The following KANK1 variants were observed in gnomAD, a reference collection of about 807,000 sequenced individuals.
KANK1 encodes KN motif and ankyrin repeat domains 1.
Under a neutral mutation model 106.2 loss-of-function variants are expected in KANK1, and 109 were observed. The observed-to-expected ratio is 1.03, with a 90% CI of 0.88 to 1.20. KANK1 has a LOEUF of 1.20. Ranked by LOEUF, KANK1 falls within the 50% of genes most tolerant of loss-of-function variation. The pLI, the probability that KANK1 is intolerant of heterozygous loss-of-function variation, is 0.00. For synonymous variants in KANK1, 873 were observed against 652.2 expected (o/e 1.34, Z -5.16); for missense variants, 2,399 against 1,710.7 (o/e 1.40, Z -7.10).
At position 514,414 on chromosome 9, in the gene KANK1, T is replaced by G. The variant is rs549769122; in HGVS notation, c.-84+9660T>G. ...TTCTGCCAAATACTCCCTCATCTCC[T>G]TTACCCAAATGGAGCCACAGACCAA... is the stretch of plus-strand genomic sequence containing the variant. On this transcript the variant is annotated intron_variant, in intron 1 of 11. Coordinates refer to ENST00000382297, the MANE Select transcript of KANK1 (RefSeq NM_015158.5). 4.0e-5 allele frequency among the ~76,000 whole-genome samples: 6 copies of G among 150,370 alleles called. 1 individual carries two copies. The highest frequency in any genetic ancestry group is 1.5e-4 in the African/African-American group (6 of 39,992).
chr9:596,686 T>C (rs1375184844), intron 1 of KANK1, among the ~76,000 whole-genome samples: 3 of 151,858 alleles, frequency 2.0e-5, no homozygotes, highest in East Asian at 1.9e-4. Flanking sequence ...CAGTTCCCCA[T>C]TGGTGTTTTG....
intron 1 of KANK1, among the ~76,000 whole-genome samples, chr9:663,731 G>C (rs1000069391): frequency 3.3e-5 from 5 of 152,198 alleles, no homozygotes; most frequent in Non-Finnish European, 7.3e-5. Context: ...CTCAGACCCA[G>C]CTGGAGCAGA....
intron 2 of KANK1, among the ~76,000 whole-genome samples, chr9:693,238 C>T (rs1416573286): frequency 6.6e-6 from 1 of 152,152 alleles, no homozygotes; most frequent in African/African-American, 2.4e-5. Context: ...CAAAAAGGAA[C>T]CACTTGCCTC....
In KANK1 at chr9:617,693, T is replaced by C. The variant is rs114073831; in HGVS notation, c.-83-59197T>C. ...AAATTTTCCCACCGTAAACTTAGGC[T>C]GATAGGCTGACAGTCTGCACCTCTC... is the stretch of plus-strand genomic sequence containing the variant. On this transcript the variant is annotated intron_variant, in intron 1 of 11. Coordinates refer to ENST00000382297, the MANE Select transcript of KANK1 (RefSeq NM_015158.5). 1.9e-3 allele frequency among the ~76,000 whole-genome samples: 284 copies of C among 152,334 alleles called. 2 individuals are homozygous for C. Among genetic ancestry groups the C allele is most frequent in the African/African-American group, 6.4e-3 (268 of 41,562 alleles).
At chr9:586,910 G>A (rs1405431915) in intron 1 of KANK1, among the ~76,000 whole-genome samples, 1 of 152,190 alleles carries the variant, frequency 6.6e-6, no homozygotes, top group African/African-American at 2.4e-5. Context: ...TTTCCAAAAT[G>A]CGTAGCAGTC....
chr9:744,832 G>A, intron 11 of KANK1: 2 of 1,423,666 alleles, frequency 1.4e-6, no homozygotes, highest in Non-Finnish European at 1.8e-6. Flanking sequence ...TCCCATAGAG[G>A]TTTTGATTCT....
intron 2 of KANK1, among the ~76,000 whole-genome samples, chr9:691,778 T>TG (rs1351412474): frequency 2.7e-5 from 3 of 109,242 alleles, no homozygotes; most frequent in East Asian, 6.4e-4. Flanking sequence ...CACACCTAGC[T>TG]AATTTTTTTT....
chr9:698,103 C>T (rs1201629275), intron 2 of KANK1, among the ~76,000 whole-genome samples: 1 of 152,162 alleles, frequency 6.6e-6, no homozygotes, highest in African/African-American at 2.4e-5. Flanking sequence ...TTAGCTTTCC[C>T]TGTTGGCCAA....
At chr9:585,821 G>C (rs1468784397) in intron 1 of KANK1, among the ~76,000 whole-genome samples, 2 of 152,174 alleles carry the variant, frequency 1.3e-5, no homozygotes, top group African/African-American at 4.8e-5. Context: ...TTGGGAAAAT[G>C]ATCAGACTAA....
chr9:734,129 A>AC (rs1833073993), intron 6 of KANK1: 1 of 150,708 alleles, frequency 6.6e-6, no homozygotes, highest in East Asian at 2.0e-4. Flanking sequence ...AAAAAAAAAA[A>AC]AAAACTTAAA....
chr9:741,033 C>A, intron 9 of KANK1, 99 bp downstream of exon 9: 1 of 1,346,414 alleles, frequency 7.4e-7, no homozygotes, highest in Non-Finnish European at 1.0e-6. Context: ...GCCACGCTTC[C>A]ACCACAGTGC....
At chr9:616,955 A>G (rs369953798) in intron 1 of KANK1, among the ~76,000 whole-genome samples, 40 of 152,302 alleles carry the variant, frequency 2.6e-4, no homozygotes, top group African/African-American at 9.6e-4. Flanking sequence ...GGGATATGTG[A>G]TTCTTCCTTA....
At position 496,447 on chromosome 9, in the gene KANK1, C is replaced by T. The variant is rs2058460606; in HGVS notation, c.-362+23174C>T. Among the ~76,000 whole-genome samples the T allele has an allele frequency of 2.0e-5, 3 of 152,230 alleles. No individual in the cohort carries two copies. In the South Asian group the frequency reaches 6.2e-4, roughly 32 times the overall value. On this transcript the variant is annotated intron_variant, in intron 3 of 15. Coordinates refer to the KANK1 transcript ENST00000382303. Reference sequence around the variant, plus strand: ...CACATATGCCTGTATGTGCCAGCTACTCGGGAGGCTGAGGTGGAAGAATTG... The same window carrying T: ...CACATATGCCTGTATGTGCCAGCTATTCGGGAGGCTGAGGTGGAAGAATTG...
intron 1 of KANK1, among the ~76,000 whole-genome samples, chr9:602,691 T>C (rs1341454127): frequency 6.6e-6 from 1 of 151,910 alleles, no homozygotes; most frequent in African/African-American, 2.4e-5. Flanking sequence ...ATAAGTTATT[T>C]TTGTCCTTAT....
At chr9:684,402 A>G (rs1818148059) in intron 2 of KANK1, 1 of 985,436 alleles carries the variant, frequency 1.0e-6, no homozygotes, top group East Asian at 1.1e-4. Context: ...AACAAGAAAG[A>G]AAGAAAAAAA....
intron 2 of KANK1, among the ~76,000 whole-genome samples, chr9:680,585 C>T (rs10975803): frequency 0.074 from 11,277 of 152,172 alleles, 483 homozygotes; most frequent in Non-Finnish European, 0.093. Flanking sequence ...GCACCTACTA[C>T]GTGCTGTTTT....
chr9:630,862 C>T (rs1408298063), intron 1 of KANK1, among the ~76,000 whole-genome samples: 3 of 151,932 alleles, frequency 2.0e-5, no homozygotes, highest in Admixed American at 6.6e-5. Context: ...GGCTGAGGCA[C>T]GAGAATCACT....
At chr9:503,590 G>A (rs1173444775), upstream of KANK1, among the ~76,000 whole-genome samples, 4 of 152,188 alleles carry the variant, frequency 2.6e-5, no homozygotes, top group Non-Finnish European at 5.9e-5. Flanking sequence ...CGTGTGTAAC[G>A]CCCTGCTGGA....
intron 1 of KANK1, among the ~76,000 whole-genome samples, chr9:567,059 A>G (rs1175966949): frequency 6.6e-6 from 1 of 152,190 alleles, no homozygotes; most frequent in African/African-American, 2.4e-5. Flanking sequence ...TTTTCTGCAC[A>G]TGGCTAGCCA....
Sources: allele counts gnomAD v4.1 joint callset (sites outside exome capture counted in the v4.1 genomes callset), GRCh38; gene constraint gnomAD v4.1.1; transcripts MANE v1.5; gene names NCBI Gene and HGNC (gene_info 2026-07-23, HGNC 2026-07-21).